The following CPAMD8 variants were observed in gnomAD, a reference collection of about 807,000 sequenced individuals.
CPAMD8 encodes C3 and PZP like alpha-2-macroglobulin domain containing 8.
A neutral mutation model predicts 224.7 loss-of-function variants in CPAMD8; 146 were observed. The ratio of observed to expected loss-of-function variants is 0.65; its 90% CI spans 0.57 to 0.75. The LOEUF is 0.75. CPAMD8 is among the 30% of genes least tolerant of loss of function. The probability of loss-of-function intolerance (pLI) is 0.00; values close to 1 mark genes in which losing one functional copy is unlikely to be tolerated. For synonymous variants in CPAMD8, 966 were observed against 1,044.6 expected (o/e 0.92, Z 1.45); for missense variants, 2,301 against 2,537.5 (o/e 0.91, Z 2.00).
At chr19:17,014,358 C>T (rs1331962687) in intron 3 of CPAMD8, among the ~76,000 whole-genome samples, 1 of 141,356 alleles carries the variant, frequency 7.1e-6, no homozygotes, top group East Asian at 2.1e-4. Context: ...GGCACCTGGC[C>T]GTCCTCTTAT....
In CPAMD8 at chr19:16,905,459, T is replaced by C. The variant is rs1346235870; in HGVS notation, c.4028-907A>G. Among the ~76,000 whole-genome samples the C allele has an allele frequency of 6.5e-5, 9 of 139,168 alleles. No individual in the cohort carries two copies. In the East Asian group the frequency reaches 1.9e-3, roughly 29 times the overall value. 91.3% of individuals were successfully genotyped at this position (139,168 alleles called of 152,430 possible). A position where few individuals can be genotyped will look rare whatever the true frequency, so the allele number is the denominator to read the frequency against. On this transcript the variant is annotated intron_variant, in intron 30 of 41. Coordinates refer to ENST00000443236, the MANE Select transcript of CPAMD8 (RefSeq NM_015692.5). Reference sequence around the variant, plus strand: ...AGCTGGGCATGGTGGTGCATGCCTGTAATCCTGGCTACTTGGGAGGCTGAG... The same window carrying C: ...AGCTGGGCATGGTGGTGCATGCCTGCAATCCTGGCTACTTGGGAGGCTGAG...
Position 16,941,868 on chromosome 19 carries a change from G to A in CPAMD8, c.2794-3422C>T, listed in dbSNP as rs755946026. ...GGTGCCTGCAATCCCAGCTATTCGG[G>A]AGGCTGAGGCAGGAGACTCGCTTGA... On this transcript the variant is annotated intron_variant, in intron 22 of 41. Transcript: ENST00000443236. Among the ~76,000 whole-genome samples, 25 of 152,160 alleles carry A rather than the reference G, an allele frequency of 1.6e-4. 1 individual carries two copies. Among genetic ancestry groups the A allele is most frequent in the Admixed American group, 1.0e-3 (16 of 15,272 alleles).
intron 18 of CPAMD8, among the ~76,000 whole-genome samples, chr19:16,960,181 C>A (rs1314768067): frequency 1.3e-5 from 2 of 151,852 alleles, no homozygotes; most frequent in African/African-American, 2.4e-5. Context: ...CACAGTTCAC[C>A]CTCCTCAAAG....
At chr19:16,927,962 G>T in intron 25 of CPAMD8, 47 bp downstream of exon 25, 2 of 1,405,130 alleles carry the variant, frequency 1.4e-6, no homozygotes, top group East Asian at 2.3e-5. Context: ...CTCAACTTCG[G>T]CTCTTGCCCC....
chr19:16,987,182 ATATATAT>A (rs2055770836), intron 13 of CPAMD8, among the ~76,000 whole-genome samples: 111 of 61,810 alleles, frequency 1.8e-3, no homozygotes, highest in African/African-American at 5.6e-3. Flanking sequence ...AAAAAAAAAT[ATATATAT>A]ATATATATAT....
At position 16,993,571 on chromosome 19, in the gene CPAMD8, G is replaced by T. The variant is rs1249244054; in HGVS notation, c.1111C>A (p.Pro371Thr). 1.2e-6 allele frequency: 2 copies of T among 1,613,990 alleles called. No homozygotes were observed. Among genetic ancestry groups the T allele is most frequent in the East Asian group, 4.5e-5 (2 of 44,898 alleles). ...ACCCCCTCAGCTGGGCTGCCATCGG[G>T]GTAGGATAGCTCCACCTAGAAAAGG... ...AYVGKVELSY[P>T]DGSPAEGVTV... Residue 371 changes from proline to threonine, a missense_variant, in exon 12 of 42, where the codon CCC becomes ACC. By Grantham distance (38) the Pro-to-Thr change is conservative. This residue lies in a region of CPAMD8 where 301 missense variants were observed against 406.6 expected (regional missense o/e 0.74). Coordinates refer to ENST00000443236, the MANE Select transcript of CPAMD8 (RefSeq NM_015692.5).
At chr19:16,902,346 A>C (rs896536491) in intron 35 of CPAMD8, among the ~76,000 whole-genome samples, 1 of 151,950 alleles carries the variant, frequency 6.6e-6, no homozygotes, top group Non-Finnish European at 1.5e-5. Flanking sequence ...GAAACCCTGT[A>C]TCTACTAAAA....
At position 16,971,884 on chromosome 19, in the gene CPAMD8, T is replaced by C. The variant is rs540874993; in HGVS notation, c.2071-851A>G. On this transcript the variant is annotated intron_variant, in intron 17 of 41. Coordinates refer to ENST00000443236, the MANE Select transcript of CPAMD8 (RefSeq NM_015692.5). The stretch of plus-strand genomic sequence containing the variant: ...CAACACGGTGAAACCCCATCTCTAC[T>C]AAAAATACAAGAATTAGCCAGGCAT... Among the ~76,000 whole-genome samples the C allele has an allele frequency of 2.0e-5, 3 of 152,042 alleles. No individual in the cohort carries two copies. In the South Asian group the frequency reaches 6.2e-4, roughly 32 times the overall value.
In CPAMD8 at chr19:16,899,834, C is replaced by T. The variant is rs1259018765; in HGVS notation, c.4774-285G>A. ...GCTTCTCCGTGGCCAAAGAGGTGCC[C>T]GGCTGAGCCCTGCCGCCTGCTGGTG... On this transcript the variant is annotated intron_variant, in intron 36 of 41. Transcript: ENST00000443236. The surrounding 1 kb of genome is among the most constrained non-coding windows in gnomAD (Gnocchi z 5.4). Among the ~76,000 whole-genome samples, 7 of 152,116 alleles carry T rather than the reference C, an allele frequency of 4.6e-5. No individual in the cohort carries two copies. The highest frequency in any genetic ancestry group is 1.0e-4 in the Non-Finnish European group (7 of 68,022).
intron 19 of CPAMD8, among the ~76,000 whole-genome samples, chr19:16,954,127 T>C (rs1047885924): frequency 6.6e-6 from 1 of 152,058 alleles, no homozygotes; most frequent in Non-Finnish European, 1.5e-5. Flanking sequence ...TCCCATTCTT[T>C]TGGGTATACA....
At chr19:16,920,108 C>T (rs1047812675) in intron 27 of CPAMD8, among the ~76,000 whole-genome samples, 1 of 152,176 alleles carries the variant, frequency 6.6e-6, no homozygotes, top group Non-Finnish European at 1.5e-5. Flanking sequence ...GGAAGACGTC[C>T]ATGTTTGGAG....
At chr19:16,987,170 AAAAAAAAAAATATAT>A (rs1178138938) in intron 13 of CPAMD8, among the ~76,000 whole-genome samples, 15 of 104,774 alleles carry the variant, frequency 1.4e-4, no homozygotes, top group East Asian at 2.7e-4. Context: ...AAAAAAAAAA[AAAAAAAAAAATATAT>A]ATATATATAT....
At position 16,903,791 on chromosome 19, in the gene CPAMD8, G is replaced by C; in HGVS notation, c.4318C>G (p.Leu1440Val). The change falls in exon 33 of 42, where the codon CTC (leucine) becomes GTC (valine). Residue 1440 changes from leucine (L) to valine (V), a missense_variant. Leu to Val is a conservative substitution (Grantham distance 32, BLOSUM62 1). Transcript: ENST00000443236. ...AILSYAGGIN[L>V]TVSLASTNLD... The stretch of plus-strand genomic sequence containing the variant: ...TTGGTGGAGGCCAGGGAGACAGTGA[G>C]GTTGATGCCTCCAGCATAGGACAAG... 6.2e-7 allele frequency: 1 copy of C among 1,614,132 alleles called. No individual in the cohort carries two copies. The highest frequency in any genetic ancestry group is 1.1e-5 in the South Asian group (1 of 91,086).
intron 18 of CPAMD8, among the ~76,000 whole-genome samples, chr19:16,960,606 T>G (rs972745102): frequency 1.3e-5 from 2 of 151,738 alleles, no homozygotes; most frequent in Non-Finnish European, 2.9e-5. Flanking sequence ...GAAGAATATC[T>G]AAGAAATTAT....
rs1412622067 is a variant in CPAMD8 at position 16,896,159 on chromosome 19, G to A, written c.5426+17C>T. Reference sequence around the variant, plus strand: ...TGAGCCTATGTCTCTTATCTCTGGGGTGGGCCCAGCTGTTACCTGTCCTCC... The same window carrying A: ...TGAGCCTATGTCTCTTATCTCTGGGATGGGCCCAGCTGTTACCTGTCCTCC... On this transcript the variant is annotated intron_variant, in intron 41 of 41. Coordinates refer to ENST00000443236, the MANE Select transcript of CPAMD8 (RefSeq NM_015692.5). The A allele has an allele frequency of 2.5e-6, 4 of 1,613,284 alleles. No homozygotes were observed. The highest frequency in any genetic ancestry group is 1.7e-6 in the Non-Finnish European group (2 of 1,179,838).
chr19:16,971,009 C>A lies in CPAMD8; in HGVS notation c.2095G>T (p.Asp699Tyr). ...TGCCGGTGGTTCAGGCTCACTCGGTCGGTCATCACCACCAGTCCCGTTTCC... is the reference window on the plus strand; with the variant it reads ...TGCCGGTGGTTCAGGCTCACTCGGTAGGTCATCACCACCAGTCCCGTTTCC... Reference protein sequence around the residue: ...FTETGLVVMTDRVSLNHRQDG... With the variant: ...FTETGLVVMTYRVSLNHRQDG... The change falls in exon 18 of 42, where the codon GAC becomes TAC. Residue 699 changes from aspartate to tyrosine, a missense_variant. This residue lies in a region of CPAMD8 where 1,709 missense variants were observed against 1,753.2 expected (regional missense o/e 0.97). Transcript: ENST00000443236. 6.2e-7 allele frequency: 1 copy of A among 1,610,172 alleles called. No individual in the cohort carries two copies. The highest frequency in any genetic ancestry group is 8.5e-7 in the Non-Finnish European group (1 of 1,178,200).
rs186275882 is a variant in CPAMD8 at position 16,913,802 on chromosome 19, G to A, written c.3861+622C>T. ...TGTGAGACCAAGAATCCTGAGAAGTGCCCAAACTCATAATTTATCATGAGA... is the reference window on the plus strand; with the variant it reads ...TGTGAGACCAAGAATCCTGAGAAGTACCCAAACTCATAATTTATCATGAGA... On this transcript the variant is annotated intron_variant, in intron 29 of 41. Transcript: ENST00000443236. Among the ~76,000 whole-genome samples, 511 of 152,204 alleles carry A rather than the reference G, an allele frequency of 3.4e-3. 2 individuals carry two copies. Among genetic ancestry groups the A allele is most frequent in the Non-Finnish European group, 5.1e-3 (346 of 68,012 alleles).
At chr19:16,942,986 T>C (rs2122207875) in intron 22 of CPAMD8, among the ~76,000 whole-genome samples, 2 of 151,616 alleles carry the variant, frequency 1.3e-5, no homozygotes, top group African/African-American at 2.4e-5. Flanking sequence ...CCTTTTGTGT[T>C]TGACTTTTTT....
At chr19:16,906,292 CCTCCCTCCCTCT>C (rs1344258441) in intron 30 of CPAMD8, among the ~76,000 whole-genome samples, 1 of 148,724 alleles carries the variant, frequency 6.7e-6, no homozygotes, top group Admixed American at 6.7e-5. Flanking sequence ...CCTCTCCCTC[CCTCCCTCCCTCT>C]CTCTCTTCTC....
Sources: allele counts gnomAD v4.1 joint callset (sites outside exome capture counted in the v4.1 genomes callset), GRCh38; gene constraint gnomAD v4.1.1; regional missense constraint gnomAD v4.1.1; non-coding constraint Gnocchi (gnomAD v3.1); transcripts MANE v1.5; gene names NCBI Gene and HGNC (gene_info 2026-07-23, HGNC 2026-07-21).